Variants in COL6A5 observed in about 807,000 individuals in gnomAD.
COL6A5 encodes collagen alpha-5(VI) chain.
A neutral mutation model predicts 65.6 loss-of-function variants in COL6A5; 48 were observed. The ratio of observed to expected loss-of-function variants is 0.73; its 90% CI spans 0.58 to 0.93. The LOEUF (loss-of-function observed/expected upper bound fraction) is 0.93. Ranked by LOEUF, COL6A5 falls within the 40% of genes least tolerant of loss-of-function variation. The probability of loss-of-function intolerance (pLI) is 0.00; values close to 1 mark genes in which losing one functional copy is unlikely to be tolerated. For missense variants in COL6A5, 914 were observed against 928.3 expected, an observed-to-expected ratio of 0.98 and a Z score of 0.20; for synonymous variants, 291 against 322.8, an observed-to-expected ratio of 0.90 and a Z score of 1.05.
At chr3:130,433,016 AG>A (rs993993264) in intron 1 of COL6A5, among the ~76,000 whole-genome samples, 1 of 152,180 alleles carries the variant, frequency 6.6e-6, no homozygotes, top group Non-Finnish European at 1.5e-5. Flanking sequence ...GAGATTATAA[AG>A]GTCTATTTTT....
chr3:130,483,833 A>G (rs1346349267), intron 7 of COL6A5, among the ~76,000 whole-genome samples: 2 of 152,190 alleles, frequency 1.3e-5, no homozygotes, highest in African/African-American at 4.8e-5. Context: ...TCCAGGAAGA[A>G]TTATGTCTAT....
intron 1 of COL6A5, among the ~76,000 whole-genome samples, chr3:130,372,475 G>A (rs1935604421): frequency 1.3e-5 from 2 of 151,496 alleles, no homozygotes; most frequent in East Asian, 1.9e-4. Context: ...CCATACAATG[G>A]AATATTACTC....
In COL6A5 at chr3:130,345,751, A is replaced by AT. The variant is rs1239183894; in HGVS notation, c.-259_-258insT. 1.3e-5 allele frequency: 5 copies of AT among 398,616 alleles called. No homozygotes were observed. In the Admixed American group the frequency reaches 1.3e-4, roughly 11 times the overall value. 24.7% of individuals were successfully genotyped at this position (398,616 alleles called of 1,614,324 possible). On this transcript the variant is annotated 5_prime_UTR_variant and NMD_transcript_variant, in exon 1 of 42. Transcript: ENST00000312481. Reference sequence around the variant, plus strand: ...AGGGCACGGGTCAGCGCCGGCTTAAAAGACCCTCTCAGGGCACGAGGCGTT... The same window carrying AT: ...AGGGCACGGGTCAGCGCCGGCTTAAATAGACCCTCTCAGGGCACGAGGCGTT...
intron 18 of COL6A5, 93 bp downstream of exon 18, chr3:130,409,481 C>CAGG: frequency 3.6e-6 from 4 of 1,108,568 alleles, no homozygotes; most frequent in East Asian, 2.6e-5. Flanking sequence ...ACCCTGTAGG[C>CAGG]AAATGGTTGT....
exon 8 of COL6A5, chr3:130,484,775 A>C (rs1320337932): frequency 5.0e-6 from 2 of 398,816 alleles, no homozygotes; most frequent in Non-Finnish European, 8.8e-6. Context: ...ACTCTATATG[A>C]CCAGAGATGT....
chr3:130,474,954 C>T (rs1559922658), intron 7 of COL6A5, among the ~76,000 whole-genome samples: 1 of 126,110 alleles, frequency 7.9e-6, no homozygotes, highest in Non-Finnish European at 1.6e-5. Context: ...CTGTAGTGAG[C>T]TATGATCATG....
At chr3:130,381,736 AAAG>A (rs1017069014) in intron 4 of COL6A5, among the ~76,000 whole-genome samples, 2 of 152,110 alleles carry the variant, frequency 1.3e-5, no homozygotes, top group Non-Finnish European at 2.9e-5. Flanking sequence ...CACAACATGG[AAAG>A]GAATTTTAAT....
At chr3:130,393,076 T>TGTGTGTG (rs1553749732) in intron 7 of COL6A5, among the ~76,000 whole-genome samples, 1 of 92,252 alleles carries the variant, frequency 1.1e-5, no homozygotes, top group Non-Finnish European at 2.1e-5. Context: ...TGTTTTTTTT[T>TGTGTGTG]TGTGTGTGTG....
exon 8 of COL6A5, chr3:130,484,475 C>T (rs1235048243): frequency 2.5e-6 from 1 of 401,568 alleles, no homozygotes; most frequent in Admixed American, 4.4e-5. Context: ...TCTACTAATT[C>T]TTAAAACTGG....
chr3:130,460,470 C>T (rs1052046817), intron 5 of COL6A5, among the ~76,000 whole-genome samples: 6 of 152,066 alleles, frequency 3.9e-5, no homozygotes, highest in East Asian at 1.9e-4. Flanking sequence ...TGAATTCAGA[C>T]GTACATTGAT....
chr3:130,431,759 G>A (rs777355821), exon 1 of COL6A5: 2 of 1,551,578 alleles, frequency 1.3e-6, no homozygotes, highest in African/African-American at 1.4e-5. Context: ...AATGCAATGA[G>A]GTTTGTGACC....
chr3:130,474,337 A>C (rs2107620078), intron 7 of COL6A5, among the ~76,000 whole-genome samples: 1 of 152,250 alleles, frequency 6.6e-6, no homozygotes, highest in Middle Eastern at 3.4e-3. Context: ...AAACAAAAAT[A>C]TTCTACAGAG....
At chr3:130,406,485 A>AG (rs1252863314) in intron 17 of COL6A5, among the ~76,000 whole-genome samples, 164 bp downstream of exon 17, 2 of 152,154 alleles carry the variant, frequency 1.3e-5, no homozygotes, top group Non-Finnish European at 2.9e-5. Context: ...GATTGAAGCA[A>AG]GGGGGTAATT....
chr3:130,446,553 A>G (rs1015366050), intron 4 of COL6A5, among the ~76,000 whole-genome samples: 7 of 152,162 alleles, frequency 4.6e-5, no homozygotes, highest in African/African-American at 7.2e-5. Flanking sequence ...ATCGGTCTCC[A>G]TTGCCATCAG....
rs139759923 is a variant in COL6A5, at chr3:130,436,714, C to T, written c.488-2808C>T. ...TTTTTTTGGCTGACTTTTAGTATAC[C>T]TCATCTTCCTGGTTTTTCTCTTACC... On this transcript the variant is annotated intron_variant, in intron 1 of 7. Coordinates refer to ENST00000512836, the Ensembl canonical transcript of COL6A5. Among the ~76,000 whole-genome samples, 340 of 152,066 alleles carry T rather than the reference C, an allele frequency of 2.2e-3. 1 individual carries two copies. The highest frequency in any genetic ancestry group is 7.5e-3 in the African/African-American group (310 of 41,508).
chr3:130,417,984 A>G (rs576863709), intron 24 of COL6A5, among the ~76,000 whole-genome samples: 3 of 152,244 alleles, frequency 2.0e-5, no homozygotes, highest in South Asian at 4.1e-4. Flanking sequence ...GACTGTGGTT[A>G]AAAATACAGT....
intron 16 of COL6A5, 41 bp from the exon 17 acceptor site, chr3:130,406,227 T>A (rs1936989523): frequency 1.3e-6 from 2 of 1,549,390 alleles, no homozygotes; most frequent in Non-Finnish European, 1.7e-6. Flanking sequence ...TTGCTAAAAT[T>A]TTTTTTAAGT....
rs565870843 is a variant in COL6A5, at chr3:130,391,172, C to T, written c.2417-7C>T. ...AGTTTGTGACTCCTGTTTTCATCTTCTTTCAGATTGTAAAAGGATTACACT... is the reference window on the plus strand; with the variant it reads ...AGTTTGTGACTCCTGTTTTCATCTTTTTTCAGATTGTAAAAGGATTACACT... On this transcript the variant is annotated splice_polypyrimidine_tract_variant and splice_region_variant and intron_variant and NMD_transcript_variant, in intron 6 of 41. Coordinates refer to the COL6A5 transcript ENST00000312481. 1.3e-3 allele frequency: 2,048 copies of T among 1,542,522 alleles called. 2 individuals are homozygous for T. Among genetic ancestry groups the T allele is most frequent in the Non-Finnish European group, 1.7e-3 (1,942 of 1,140,662 alleles).
At chr3:130,448,537 C>T (rs1709356766) in intron 4 of COL6A5, among the ~76,000 whole-genome samples, 1 of 152,138 alleles carries the variant, frequency 6.6e-6, no homozygotes, top group Admixed American at 6.5e-5. Context: ...ACCACCATTC[C>T]TAAATATTGA....
Sources: gnomAD v4.1 joint callset for allele counts (sites outside exome capture counted in the v4.1 genomes callset) on GRCh38, gnomAD v4.1.1 for gene constraint, MANE v1.5 for transcripts, NCBI Gene and HGNC (gene_info 2026-07-23, HGNC 2026-07-21) for gene names.